The following PATZ1 variants were observed in gnomAD, a reference collection of about 807,000 sequenced individuals.
The protein encoded by PATZ1 is POZ/BTB and AT hook containing zinc finger 1.
PATZ1 carries 9 observed loss-of-function variants against 46.2 expected under a neutral mutation model. The observed-to-expected ratio is 0.19, with a 90% CI of 0.12 to 0.34. The LOEUF (loss-of-function observed/expected upper bound fraction) is 0.34. Ranked by LOEUF, PATZ1 falls within the 10% of genes least tolerant of loss-of-function variation. PATZ1 has a pLI of 1.00. For synonymous variants in PATZ1, 426 were observed against 378.6 expected (o/e 1.13, Z -1.45); for missense variants, 632 against 923.0 (o/e 0.68, Z 4.08).
At position 31,328,258 on chromosome 22, in the gene PATZ1, CAGAT is replaced by C. The variant is rs1345972085; in HGVS notation, c.1645+525_1645+528del. The stretch of plus-strand genomic sequence containing the variant: ...AAACCAACTCCCAAGTCAGAGGAGT[CAGAT>C]AGCTCATTATTGCCATGCATCTCAC... On this transcript the variant is annotated intron_variant, in intron 4 of 4. Transcript: ENST00000266269. The surrounding 1 kb of genome is among the most constrained non-coding windows in gnomAD (Gnocchi z 4.8). Among the ~76,000 whole-genome samples the C allele has an allele frequency of 6.6e-6, 1 of 152,210 alleles. No individual in the cohort carries two copies. The highest frequency in any genetic ancestry group is 2.4e-5 in the African/African-American group (1 of 41,444).
chr22:31,341,795 A>AGAATGTG, intron 2 of PATZ1: 3 of 868,268 alleles, frequency 3.5e-6, no homozygotes, highest in Non-Finnish European at 5.3e-6. Flanking sequence ...TACCTGAGTC[A>AGAATGTG]GAATGTGCTC....
chr22:31,345,222 C>G lies in PATZ1; in HGVS notation c.381G>C (p.Val127=), dbSNP rs757497756. The change falls in exon 1 of 5, where the codon GTG becomes GTC. Residue 127 remains valine, a synonymous_variant. Transcript: ENST00000266269. This position sits in a 1 kb window ranked among gnomAD's most constrained non-coding sequence, Gnocchi z 7.4. ...ILDFAYTSRI[V]VRLESFPELM... ...GTTCGGGAAAGCTCTCCAAGCGCAC[C>G]ACGATGCGGGAAGTGTAGGCGAAGT... 6.2e-7 allele frequency: 1 copy of G among 1,613,770 alleles called. No homozygotes were observed. The highest frequency in any genetic ancestry group is 8.5e-7 in the Non-Finnish European group (1 of 1,179,782).
chr22:31,336,662 C>T (rs984410880), intron 2 of PATZ1, among the ~76,000 whole-genome samples: 3 of 151,452 alleles, frequency 2.0e-5, no homozygotes, highest in Admixed American at 6.6e-5. Context: ...AAAAATTAGC[C>T]GGGTGTGGTG....
At chr22:31,343,089 G>C in intron 1 of PATZ1, 129 bp from the exon 2 acceptor site, 1 of 1,467,670 alleles carries the variant, frequency 6.8e-7, no homozygotes, top group African/African-American at 1.4e-5. Flanking sequence ...CCCAACCCCA[G>C]CATGACAAAG....
rs55740411 is a variant in PATZ1 at position 31,339,992 on chromosome 22, C to T, written c.1335+2905G>A. The stretch of plus-strand genomic sequence containing the variant: ...TTCAGCTCCCTGGGCTCTTTGGCCC[C>T]CTTCTTCTCGAGCATATGCCCATCT... On this transcript the variant is annotated intron_variant, in intron 2 of 4. Coordinates refer to ENST00000266269, the MANE Select transcript of PATZ1 (RefSeq NM_014323.3). 3.1e-3 allele frequency among the ~76,000 whole-genome samples: 472 copies of T among 152,346 alleles called. 3 individuals are homozygous for T. Among genetic ancestry groups the T allele is most frequent in the African/African-American group, 0.011 (459 of 41,572 alleles).
rs775011465 is a variant in PATZ1, at chr22:31,341,440, C to A, written c.1335+1457G>T. The A allele has an allele frequency of 3.8e-6, 6 of 1,592,496 alleles. No individual in the cohort carries two copies. The South Asian group carries it at 6.9e-5, about 18-fold the overall frequency. On this transcript the variant is annotated intron_variant, in intron 2 of 4. Coordinates refer to ENST00000266269, the MANE Select transcript of PATZ1 (RefSeq NM_014323.3). ...GGCCACTGGGTAAAGGCCCTGCTGC[C>A]CTCTGGGGTGGTCCAGCCCTGCCTC... is the stretch of plus-strand genomic sequence containing the variant.
chr22:31,344,238 AC>A, intron 1 of PATZ1, 93 bp downstream of exon 1: 1 of 1,147,188 alleles, frequency 8.7e-7, no homozygotes, highest in Admixed American at 2.3e-5. Flanking sequence ...AGGTCAAATG[AC>A]CCCCACAAAT....
In PATZ1 at chr22:31,344,827, G is replaced by A. The variant is rs1293358661; in HGVS notation, c.776C>T (p.Pro259Leu). The A allele has an allele frequency of 2.5e-6, 4 of 1,611,448 alleles. No individual in the cohort carries two copies. Among genetic ancestry groups the A allele is most frequent in the East Asian group, 4.5e-5 (2 of 44,854 alleles). ...SPFPSVASSA[P>L]PLTGKRGRGR... is the part of the protein sequence containing the mutation. ...CCGGCCTCGCTTGCCAGTCAGGGGA[G>A]GGGCACTGGATGCCACACTGGGGAA... The change falls in exon 1 of 5, where the codon CCT becomes CTT. Residue 259 changes from proline (P) to leucine (L), a missense_variant. Physicochemically the swap from Pro to Leu is moderately conservative, Grantham distance 98. Around this residue, in one of 7 missense-constraint regions of PATZ1, gnomAD observed 279 missense variants for 284.3 expected, o/e 0.98. Transcript: ENST00000266269.
rs1013654779 is a variant in PATZ1, at chr22:31,326,405, T to G, written c.*486A>C. 2.1e-5 allele frequency: 5 copies of G among 234,522 alleles called. No homozygotes were observed. The highest frequency in any genetic ancestry group is 1.1e-4 in the African/African-American group (5 of 45,218). 14.5% of individuals were successfully genotyped at this position (234,522 alleles called of 1,614,324 possible). A position where few individuals can be genotyped will look rare whatever the true frequency, so the allele number is the denominator to read the frequency against. The stretch of plus-strand genomic sequence containing the variant: ...CATGGTCCATGGGATGCTTCTGGCT[T>G]CCTTAAAAACAGTTGGGCATCCGCA... On this transcript the variant is annotated 3_prime_UTR_variant, in exon 5 of 5. Coordinates refer to ENST00000266269, the MANE Select transcript of PATZ1 (RefSeq NM_014323.3).
chr22:31,339,185 T>C lies in PATZ1; in HGVS notation c.1336-3322A>G, dbSNP rs945390749. On this transcript the variant is annotated intron_variant, in intron 2 of 4. Transcript: ENST00000266269. ...AATTAAAATCCCAGACTGGGCTGGC[T>C]TCCCCCACCCTGTCCTCCATTGATT... is the stretch of plus-strand genomic sequence containing the variant. 3.3e-5 allele frequency among the ~76,000 whole-genome samples: 5 copies of C among 152,210 alleles called. No individual in the cohort carries two copies. The East Asian group carries it at 9.6e-4, about 29-fold the overall frequency.
Position 31,344,807 on chromosome 22 carries a change from C to A in PATZ1, c.796G>T (p.Gly266Cys). The A allele has an allele frequency of 6.2e-7, 1 of 1,609,390 alleles. No homozygotes were observed. The highest frequency in any genetic ancestry group is 8.5e-7 in the Non-Finnish European group (1 of 1,177,476). The change falls in exon 1 of 5, where the codon GGC becomes TGC. Residue 266 changes from glycine to cysteine, a missense_variant. This residue lies in a region of PATZ1 where 279 missense variants were observed against 284.3 expected (regional missense o/e 0.98). Coordinates refer to ENST00000266269, the MANE Select transcript of PATZ1 (RefSeq NM_014323.3). Reference protein sequence around the residue: ...SSAPPLTGKRGRGRPRKANLL... With the variant: ...SSAPPLTGKRCRGRPRKANLL... ...TTGGCCTTCCTTGGGCGGCCCCGGCCTCGCTTGCCAGTCAGGGGAGGGGCA... is the reference window on the plus strand; with the variant it reads ...TTGGCCTTCCTTGGGCGGCCCCGGCATCGCTTGCCAGTCAGGGGAGGGGCA...
At chr22:31,330,999 C>T (rs1224529247) in intron 3 of PATZ1, among the ~76,000 whole-genome samples, 1 of 152,188 alleles carries the variant, frequency 6.6e-6, no homozygotes, top group Non-Finnish European at 1.5e-5. Flanking sequence ...CTTCCTTTCC[C>T]AATACAGCTA....
At chr22:31,343,180 G>A in intron 1 of PATZ1, 1 of 1,287,476 alleles carries the variant, frequency 7.8e-7, no homozygotes, top group South Asian at 2.0e-5. Context: ...AGAGAAATGG[G>A]CATTTGTCTC....
intron 2 of PATZ1, chr22:31,340,627 G>T: frequency 1.0e-6 from 1 of 959,102 alleles, no homozygotes; most frequent in Non-Finnish European, 1.3e-6. Flanking sequence ...AAGGGACAGT[G>T]ATGTCAGTGT....
intron 2 of PATZ1, among the ~76,000 whole-genome samples, chr22:31,336,077 A>G (rs2049505464): frequency 6.6e-6 from 1 of 152,176 alleles, no homozygotes; most frequent in African/African-American, 2.4e-5. Context: ...TTGAGTGGGA[A>G]TCACTGGTAC....
chr22:31,341,458 C>A, intron 2 of PATZ1: 1 of 1,605,300 alleles, frequency 6.2e-7, no homozygotes, highest in Admixed American at 1.7e-5. Context: ...GTGGTCCAGC[C>A]CTGCCTCAGA....
chr22:31,340,194 G>A (rs2049562773), intron 2 of PATZ1, among the ~76,000 whole-genome samples: 1 of 152,272 alleles, frequency 6.6e-6, no homozygotes, highest in East Asian at 1.9e-4. Flanking sequence ...AGGACACTCA[G>A]GCCAAGTCCC....
chr22:31,346,289 G>A lies in PATZ1; in HGVS notation c.-687C>T. The A allele has an allele frequency of 6.5e-6, 1 of 154,406 alleles. No individual in the cohort carries two copies. Among genetic ancestry groups the A allele is most frequent in the Non-Finnish European group, 1.4e-5 (1 of 69,658 alleles). The allele number at this position is 154,406 out of a possible 1,614,324, so 9.6% of individuals were successfully genotyped here. The stretch of plus-strand genomic sequence containing the variant: ...TTCCTCAGGCCGGGAGAAGGCGGCG[G>A]CGGAGCGGCGGCTGTGCGGCCCCGG... On this transcript the variant is annotated 5_prime_UTR_variant, in exon 1 of 5. Coordinates refer to ENST00000266269, the MANE Select transcript of PATZ1 (RefSeq NM_014323.3).
Position 31,327,111 on chromosome 22 carries a change from C to T in PATZ1, c.1844G>A (p.Arg615His), listed in dbSNP as rs1451926824. Residue 615 changes from arginine (R) to histidine (H), a missense_variant, in exon 5 of 5, where the codon CGC (arginine) becomes CAC (histidine). By Grantham distance (29) the Arg-to-His change is conservative. Coordinates refer to ENST00000266269, the MANE Select transcript of PATZ1 (RefSeq NM_014323.3). The surrounding 1 kb of genome is among the most constrained non-coding windows in gnomAD (Gnocchi z 4.2). ...YPCPECGSFF[R>H]SKSYLNKHIQ... ...GTGTTTGTTCAAGTAGGACTTAGAG[C>T]GGAAGAAGCTCCCACATTCAGGGCA... 4 of 1,613,960 alleles carry T rather than the reference C, an allele frequency of 2.5e-6. No individual in the cohort carries two copies. The highest frequency in any genetic ancestry group is 2.2e-5 in the East Asian group (1 of 44,876).
Sources: gnomAD v4.1 joint callset for allele counts (sites outside exome capture counted in the v4.1 genomes callset) on GRCh38, gnomAD v4.1.1 for gene constraint, gnomAD v4.1.1 regional missense constraint, Gnocchi (gnomAD v3.1) non-coding constraint, MANE v1.5 for transcripts, NCBI Gene and HGNC (gene_info 2026-07-23, HGNC 2026-07-21) for gene names.